Variants in LY86 observed in about 807,000 individuals in gnomAD.
LY86 encodes MD-1, RP105-associated.
Under a neutral mutation model 17.3 loss-of-function variants are expected in LY86, and 20 were observed. That is an observed-to-expected ratio of 1.15 (90% CI 0.81 to 1.68). LY86 has a LOEUF of 1.68. Ranked by LOEUF, LY86 falls within the 40% of genes most tolerant of loss-of-function variation. LY86 has a pLI of 0.00. For synonymous variants in LY86, 74 were observed against 70.6 expected (o/e 1.05, Z -0.24); for missense variants, 200 against 191.9 (o/e 1.04, Z -0.25).
chr6:6,605,578 A>C lies in LY86; in HGVS notation c.136+16708A>C, dbSNP rs139501826. 2.8e-4 allele frequency among the ~76,000 whole-genome samples: 43 copies of C among 152,402 alleles called. No individual in the cohort carries two copies. The East Asian group carries it at 7.3e-3, about 26-fold the overall frequency. ...CTTCCCACGGAGTGGGAGAAAGCGC[A>C]TGACAGCTGTCATAGTCTCATGACA... On this transcript the variant is annotated intron_variant, in intron 1 of 4. Transcript: ENST00000230568.
At chr6:6,616,706 C>G (rs1761562679) in intron 1 of LY86, among the ~76,000 whole-genome samples, 1 of 152,204 alleles carries the variant, frequency 6.6e-6, no homozygotes. Flanking sequence ...AACACCTTAG[C>G]TTTTTCTTTT....
intron 3 of LY86, among the ~76,000 whole-genome samples, chr6:6,631,493 T>C (rs1761898960): frequency 6.6e-6 from 1 of 152,242 alleles, no homozygotes; most frequent in African/African-American, 2.4e-5. Flanking sequence ...AGGATCATCT[T>C]TGGGCATAAC....
In LY86 at chr6:6,588,866, T is replaced by C; in HGVS notation, c.132T>C (p.Ser44=). Residue 44 remains serine (S), a synonymous_variant, in exon 1 of 5, where the codon AGT becomes AGC. Coordinates refer to ENST00000230568, the MANE Select transcript of LY86 (RefSeq NM_004271.4). ...SDSGLEVLYQ[S]CDPLQDFGFS... is the part of the protein sequence containing the mutation. ...GCGGCTTGGAAGTGCTCTACCAGAG[T>C]TGCGGTAAGCCCTTGCAGTACACCC... The C allele has an allele frequency of 1.2e-6, 2 of 1,613,804 alleles. No individual in the cohort carries two copies. Among genetic ancestry groups the C allele is most frequent in the Non-Finnish European group, 1.7e-6 (2 of 1,179,862 alleles).
At chr6:6,646,109 G>A (rs923383968) in intron 3 of LY86, among the ~76,000 whole-genome samples, 1 of 152,210 alleles carries the variant, frequency 6.6e-6, no homozygotes, top group South Asian at 2.1e-4. Context: ...CAATGCAAGG[G>A]GTGCATCCTC....
At chr6:6,604,796 TCA>T (rs891876819) in intron 1 of LY86, among the ~76,000 whole-genome samples, 32 of 149,686 alleles carry the variant, frequency 2.1e-4, no homozygotes, top group African/African-American at 7.4e-4. Context: ...AAAAGAAATT[TCA>T]CAATTAGACC....
chr6:6,635,660 C>T (rs990351119), intron 3 of LY86, among the ~76,000 whole-genome samples: 1 of 152,166 alleles, frequency 6.6e-6, no homozygotes, highest in Non-Finnish European at 1.5e-5. Flanking sequence ...GCAGGCTTTC[C>T]ATCCCCGCAC....
At chr6:6,599,281 G>A (rs894578454) in intron 1 of LY86, among the ~76,000 whole-genome samples, 1 of 152,134 alleles carries the variant, frequency 6.6e-6, no homozygotes, top group East Asian at 1.9e-4. Context: ...AGGTCTTCAG[G>A]AGCTCAAAAC....
intron 4 of LY86, among the ~76,000 whole-genome samples, chr6:6,650,285 T>A (rs1178389824): frequency 6.6e-6 from 1 of 152,202 alleles, no homozygotes; most frequent in Non-Finnish European, 1.5e-5. Flanking sequence ...ATGACTCAAT[T>A]TACATCACTC....
At chr6:6,589,700 C>T (rs772661633) in intron 1 of LY86, among the ~76,000 whole-genome samples, 2 of 152,172 alleles carry the variant, frequency 1.3e-5, no homozygotes, top group Non-Finnish European at 2.9e-5. Flanking sequence ...GCATCTTCTC[C>T]CTGTCTCCTC....
intron 3 of LY86, among the ~76,000 whole-genome samples, chr6:6,629,885 G>T (rs1761873004): frequency 6.6e-6 from 1 of 152,170 alleles, no homozygotes; most frequent in South Asian, 2.1e-4. Flanking sequence ...CCAAACAAAG[G>T]TACAGTATGC....
chr6:6,603,809 CT>C (rs1402528392), intron 1 of LY86, among the ~76,000 whole-genome samples: 5 of 151,712 alleles, frequency 3.3e-5, no homozygotes, highest in Admixed American at 1.3e-4. Context: ...AAGCTACAAC[CT>C]TCTAAGAGTT....
intron 1 of LY86, among the ~76,000 whole-genome samples, chr6:6,611,105 G>T (rs1218582806): frequency 1.3e-5 from 2 of 152,152 alleles, no homozygotes; most frequent in Non-Finnish European, 2.9e-5. Flanking sequence ...CCGACCTCCA[G>T]CCTTTCAAAG....
intron 1 of LY86, among the ~76,000 whole-genome samples, chr6:6,605,282 T>G (rs1581235348): frequency 6.6e-6 from 1 of 152,014 alleles, no homozygotes; most frequent in South Asian, 2.1e-4. Context: ...CACCTCACAG[T>G]TTTTTTCCTC....
chr6:6,645,933 G>A (rs1024501229), intron 3 of LY86, among the ~76,000 whole-genome samples: 6 of 152,130 alleles, frequency 3.9e-5, no homozygotes, highest in Admixed American at 1.3e-4. Flanking sequence ...TGCTTCTCTT[G>A]CCAGAACAGA....
intron 1 of LY86, among the ~76,000 whole-genome samples, chr6:6,622,464 T>A (rs1315907859): frequency 1.3e-5 from 2 of 152,176 alleles, no homozygotes; most frequent in Non-Finnish European, 2.9e-5. Flanking sequence ...GCAGGAACTA[T>A]CGTCTCCAAC....
At chr6:6,651,276 AG>A (rs1159941842) in intron 4 of LY86, among the ~76,000 whole-genome samples, 2 of 152,332 alleles carry the variant, frequency 1.3e-5, no homozygotes, top group Non-Finnish European at 2.9e-5. Flanking sequence ...CTGAAGAAAA[AG>A]GTCTCTTTCT....
intron 2 of LY86, among the ~76,000 whole-genome samples, chr6:6,625,344 T>A (rs1761767673): frequency 6.6e-6 from 1 of 152,224 alleles, no homozygotes; most frequent in Non-Finnish European, 1.5e-5. Context: ...ATCTCCTAAC[T>A]TTTTTAGTTA....
intron 1 of LY86, among the ~76,000 whole-genome samples, chr6:6,595,943 G>C (rs983799270): frequency 2.0e-5 from 3 of 152,184 alleles, no homozygotes; most frequent in Admixed American, 1.3e-4. Context: ...AGCATCCAGG[G>C]TCAGTTTACC....
At chr6:6,626,881 A>G (rs764955450) in intron 3 of LY86, among the ~76,000 whole-genome samples, 7 of 152,054 alleles carry the variant, frequency 4.6e-5, no homozygotes, top group Non-Finnish European at 8.8e-5. Context: ...TGGGTCATTG[A>G]CTAGCAGGGC....
Sources: gnomAD v4.1 joint callset for allele counts (sites outside exome capture counted in the v4.1 genomes callset) on GRCh38, gnomAD v4.1.1 for gene constraint, MANE v1.5 for transcripts, NCBI Gene and HGNC (gene_info 2026-07-23, HGNC 2026-07-21) for gene names.